Variants in ILKAP observed in about 807,000 individuals in gnomAD.
ILKAP encodes the protein ILK associated serine/threonine phosphatase, also known as integrin-linked kinase-associated serine/threonine phosphatase 2C.
Under a neutral mutation model 49.1 loss-of-function variants are expected in ILKAP, and 11 were observed. That is an observed-to-expected ratio of 0.22 (90% confidence interval 0.14 to 0.37). ILKAP has a LOEUF of 0.37. Among genes scored for constraint, ILKAP ranks in the 10% least tolerant of loss-of-function variants. The pLI is 1.00. For missense variants in ILKAP, 363 were observed against 510.8 expected (o/e 0.71, Z 2.79); for synonymous variants, 186 against 192.8 (o/e 0.96, Z 0.29).
chr2:238,178,941 C>A (rs372484592), intron 9 of ILKAP, among the ~76,000 whole-genome samples: 1 of 152,218 alleles, frequency 6.6e-6, no homozygotes, highest in Non-Finnish European at 1.5e-5. Context: ...GTGTGTGCCA[C>A]CCCACCTGGC....
intron 8 of ILKAP, 63 bp downstream of exon 8, chr2:238,183,590 T>A (rs1250422508): frequency 1.8e-6 from 2 of 1,136,208 alleles, no homozygotes; most frequent in African/African-American, 3.1e-5. Context: ...AACAAGTACG[T>A]GCTAAAGTCT....
At chr2:238,189,784 A>G in intron 4 of ILKAP, 69 bp downstream of exon 4, 1 of 1,444,546 alleles carries the variant, frequency 6.9e-7, no homozygotes, top group Non-Finnish European at 9.6e-7. Flanking sequence ...AGAAAGCTGA[A>G]ACTGGTTTTG....
At chr2:238,184,902 T>C (rs1020429643) in intron 6 of ILKAP, among the ~76,000 whole-genome samples, 1 of 152,126 alleles carries the variant, frequency 6.6e-6, no homozygotes, top group Non-Finnish European at 1.5e-5. Context: ...CTATTTGAAG[T>C]TGGTTTACTA....
intron 1 of ILKAP, among the ~76,000 whole-genome samples, chr2:238,195,762 G>A (rs912001771): frequency 6.6e-6 from 1 of 152,028 alleles, no homozygotes. Context: ...GCTCATTTAC[G>A]CCAGGCGCAG....
intron 5 of ILKAP, chr2:238,185,697 G>A (rs34413717): frequency 3.2e-5 from 5 of 157,962 alleles, no homozygotes; most frequent in Non-Finnish European, 5.6e-5. Context: ...CCAGCTACTC[G>A]GGAGGCTGAG....
chr2:238,191,153 CTT>C (rs770071645), intron 3 of ILKAP, among the ~76,000 whole-genome samples: 8 of 142,140 alleles, frequency 5.6e-5, no homozygotes, highest in Non-Finnish European at 6.2e-5. Context: ...CACAAGGTGT[CTT>C]TTTTTTTTTT....
Position 238,170,535 on chromosome 2 carries a change from C to G in ILKAP, c.*1G>C, listed in dbSNP as rs761548744. ...GCGTGCTCCTGGCCGCGCGCCACCCCTCAGTGCCCTATCCGCACCACCATC... is the reference window on the plus strand; with the variant it reads ...GCGTGCTCCTGGCCGCGCGCCACCCGTCAGTGCCCTATCCGCACCACCATC... On this transcript the variant is annotated 3_prime_UTR_variant, in exon 12 of 12. Coordinates refer to ENST00000254654, the MANE Select transcript of ILKAP (RefSeq NM_030768.3). 1 of 1,595,944 alleles carries G rather than the reference C, an allele frequency of 6.3e-7. No individual in the cohort carries two copies. The highest frequency in any genetic ancestry group is 1.7e-5 in the Admixed American group (1 of 58,642).
At chr2:238,178,524 CAAAT>C (rs1559290401) in intron 9 of ILKAP, among the ~76,000 whole-genome samples, 4 of 152,252 alleles carry the variant, frequency 2.6e-5, no homozygotes, top group Non-Finnish European at 5.9e-5. Context: ...ACTGTTTTAA[CAAAT>C]AAATATACTG....
chr2:238,186,208 T>C (rs1329463449), intron 5 of ILKAP: 1 of 152,220 alleles, frequency 6.6e-6, no homozygotes, highest in East Asian at 1.9e-4. Context: ...GCTACATACA[T>C]GGTAGAGCCT....
Position 238,194,294 on chromosome 2 carries a change from G to A in ILKAP, c.159C>T (p.Pro53=), listed in dbSNP as rs35635182. Residue 53 remains proline, a synonymous_variant, in exon 3 of 12, where the codon CCC becomes CCT. Coordinates refer to ENST00000254654, the MANE Select transcript of ILKAP (RefSeq NM_030768.3). ...GGPLLFDDLP[P]ASSGDSGSLA... Reference sequence around the variant, plus strand: ...ACTTACCTGAATCGCCACTGCTAGCGGGTGGGAGATCATCAAAAAGCAAAG... The same window carrying A: ...ACTTACCTGAATCGCCACTGCTAGCAGGTGGGAGATCATCAAAAAGCAAAG... 51 of 1,613,812 alleles carry A rather than the reference G, an allele frequency of 3.2e-5. No individual in the cohort carries two copies. The highest frequency in any genetic ancestry group is 8.9e-5 in the East Asian group (4 of 44,880).
At chr2:238,172,435 C>T (rs1693264783) in intron 10 of ILKAP, among the ~76,000 whole-genome samples, 1 of 152,176 alleles carries the variant, frequency 6.6e-6, no homozygotes, top group South Asian at 2.1e-4. Flanking sequence ...GGGGCCTAGT[C>T]CTGGCAGGCT....
intron 6 of ILKAP, 59 bp from the exon 7 acceptor site, chr2:238,184,172 C>T: frequency 1.1e-6 from 1 of 945,394 alleles, no homozygotes; most frequent in Non-Finnish European, 1.7e-6. Flanking sequence ...ATCCTCCTCC[C>T]ACTGTCATTT....
At chr2:238,195,565 T>C (rs1694308087) in intron 1 of ILKAP, among the ~76,000 whole-genome samples, 1 of 152,220 alleles carries the variant, frequency 6.6e-6, no homozygotes, top group Non-Finnish European at 1.5e-5. Flanking sequence ...CCACATAAAA[T>C]TTAACGACCA....
intron 9 of ILKAP, among the ~76,000 whole-genome samples, chr2:238,180,190 A>G (rs1192655125): frequency 6.6e-6 from 1 of 151,896 alleles, no homozygotes; most frequent in Non-Finnish European, 1.5e-5. Flanking sequence ...GAAAGAAAGA[A>G]AAAGAAAAAG....
rs188637009 is a variant in ILKAP, at chr2:238,173,113, C to A, written c.956+421G>T. 3.8e-3 allele frequency among the ~76,000 whole-genome samples: 576 copies of A among 152,308 alleles called. 8 individuals are homozygous for A. The highest frequency in any genetic ancestry group is 1.2e-3 in the South Asian group (6 of 4,826). On this transcript the variant is annotated intron_variant, in intron 10 of 11. Transcript: ENST00000254654. ...TCTCCAGCATGGGGCTGAGGGCCGGCCCTTCAGGATCTGCCCCCAAAGTAC... is the reference window on the plus strand; with the variant it reads ...TCTCCAGCATGGGGCTGAGGGCCGGACCTTCAGGATCTGCCCCCAAAGTAC...
intron 9 of ILKAP, among the ~76,000 whole-genome samples, chr2:238,175,735 C>G (rs567863837): frequency 6.6e-6 from 1 of 152,306 alleles, no homozygotes; most frequent in Admixed American, 6.5e-5. Flanking sequence ...ACCAGCCCCA[C>G]AGGCTTCGTC....
chr2:238,173,479 G>C (rs939766406), intron 10 of ILKAP, 55 bp downstream of exon 10: 1 of 1,587,674 alleles, frequency 6.3e-7, no homozygotes, highest in Non-Finnish European at 8.6e-7. Flanking sequence ...TGGAAGTGAG[G>C]AAGAGAAATA....
chr2:238,202,250 C>A (rs565951903), intron 1 of ILKAP, among the ~76,000 whole-genome samples: 17 of 152,214 alleles, frequency 1.1e-4, no homozygotes, highest in Non-Finnish European at 1.6e-4. Flanking sequence ...TGTTTTCTCG[C>A]CCAGAATTAC....
chr2:238,188,349 G>C, intron 4 of ILKAP, 92 bp from the exon 5 acceptor site: 1 of 1,447,208 alleles, frequency 6.9e-7, no homozygotes, highest in Non-Finnish European at 9.3e-7. Context: ...AACTATGACT[G>C]TCTGACTCAG....
Sources: gnomAD v4.1 joint callset for allele counts (sites outside exome capture counted in the v4.1 genomes callset) on GRCh38, gnomAD v4.1.1 for gene constraint, MANE v1.5 for transcripts, NCBI Gene and HGNC (gene_info 2026-07-23, HGNC 2026-07-21) for gene names.